MAP4: variants seen among roughly 807,000 people sequenced by gnomAD.
MAP4 encodes the protein microtubule associated protein 4.
In MAP4, 76 loss-of-function variants were observed where a neutral mutation model predicts 170.2. The ratio of observed to expected loss-of-function variants is 0.45; its 90% CI spans 0.37 to 0.54. The LOEUF (loss-of-function observed/expected upper bound fraction) is 0.54. Among genes scored for constraint, MAP4 ranks in the 20% least tolerant of loss-of-function variants. The pLI is 0.00. For synonymous variants in MAP4, 909 were observed against 994.5 expected (o/e 0.91, Z 1.62); for missense variants, 2,506 against 2,748.0 (o/e 0.91, Z 1.97).
intron 1 of MAP4, among the ~76,000 whole-genome samples, chr3:48,057,807 T>C (rs1366761176): frequency 6.6e-6 from 1 of 152,180 alleles, no homozygotes; most frequent in East Asian, 1.9e-4. Context: ...CTGCAAGAAA[T>C]TTCCACCAGG....
intron 10 of MAP4, among the ~76,000 whole-genome samples, chr3:47,889,543 A>T (rs1467052509): frequency 6.6e-6 from 1 of 152,240 alleles, no homozygotes; most frequent in African/African-American, 2.4e-5. Flanking sequence ...AGTTTTATCT[A>T]CAGAGTGGTT....
chr3:47,857,366 C>T, intron 18 of MAP4, 65 bp downstream of exon 18: 1 of 1,340,694 alleles, frequency 7.5e-7, no homozygotes, highest in Non-Finnish European at 1.1e-6. Flanking sequence ...CAGCTGGCTG[C>T]CCAGCTGACC....
intron 1 of MAP4, among the ~76,000 whole-genome samples, chr3:48,034,740 C>A (rs142980250): frequency 1.3e-5 from 2 of 152,028 alleles, no homozygotes; most frequent in African/African-American, 4.8e-5. Flanking sequence ...AGGCCAGGTG[C>A]AGTGGCTCAC....
chr3:48,061,299 T>C (rs1469476649), intron 1 of MAP4, among the ~76,000 whole-genome samples: 1 of 147,940 alleles, frequency 6.8e-6, no homozygotes, highest in African/African-American at 2.5e-5. Context: ...CCTGCCTGAT[T>C]CTCCTCCCTC....
At chr3:47,994,522 TA>T (rs2100094234) in intron 2 of MAP4, among the ~76,000 whole-genome samples, 1 of 152,232 alleles carries the variant, frequency 6.6e-6, no homozygotes, top group African/African-American at 2.4e-5. Flanking sequence ...CCTAGGTGGA[TA>T]AGGACAGTGA....
intron 4 of MAP4, among the ~76,000 whole-genome samples, chr3:47,922,596 C>T (rs969237368): frequency 4.6e-5 from 7 of 151,614 alleles, no homozygotes; most frequent in Non-Finnish European, 7.4e-5. Flanking sequence ...AATTTTTCAC[C>T]TCATGTGGAC....
intron 3 of MAP4, chr3:47,975,325 C>A: frequency 6.5e-7 from 1 of 1,534,980 alleles, no homozygotes; most frequent in Admixed American, 2.0e-5. Flanking sequence ...AAGAACTACC[C>A]TCAGTTTCTT....
At chr3:48,059,312 C>T (rs1283765859) in intron 1 of MAP4, among the ~76,000 whole-genome samples, 2 of 151,768 alleles carry the variant, frequency 1.3e-5, no homozygotes, top group Non-Finnish European at 2.9e-5. Flanking sequence ...CTCAGTGGTT[C>T]GAGACCACCC....
chr3:47,871,095 A>G lies in MAP4; in HGVS notation c.6012T>C (p.Ser2004=). ...AACTGGTGGAGGTGCTCTTTGGGCGACTCAAGTCAGCTGCAAAGAAGGGAG... is the reference window on the plus strand; with the variant it reads ...AACTGGTGGAGGTGCTCTTTGGGCGGCTCAAGTCAGCTGCAAAGAAGGGAG... ...MTAKSVPADL[S]RPKSTSTSSM... is the part of the protein sequence containing the mutation. The change falls in exon 15 of 21, where the codon AGT becomes AGC. Residue 2004 remains serine, a synonymous_variant. Coordinates refer to ENST00000683076, the MANE Select transcript of MAP4 (RefSeq NM_001385682.1). 1.2e-6 allele frequency: 2 copies of G among 1,606,228 alleles called. No individual in the cohort carries two copies. The highest frequency in any genetic ancestry group is 2.2e-5 in the South Asian group (2 of 90,682).
intron 8 of MAP4, among the ~76,000 whole-genome samples, chr3:47,913,381 AAT>A (rs2100036941): frequency 6.6e-6 from 1 of 152,216 alleles, no homozygotes; most frequent in Non-Finnish European, 1.5e-5. Flanking sequence ...GCCTTTGTTT[AAT>A]ATCTCAGGTT....
chr3:48,064,357 A>G (rs752922995), intron 1 of MAP4, among the ~76,000 whole-genome samples: 1 of 152,120 alleles, frequency 6.6e-6, no homozygotes, highest in Admixed American at 6.5e-5. Flanking sequence ...CCACCCAGGA[A>G]CTGACTCAGC....
chr3:48,010,744 T>C (rs1559788202), intron 1 of MAP4, among the ~76,000 whole-genome samples: 1 of 152,112 alleles, frequency 6.6e-6, no homozygotes, highest in African/African-American at 2.4e-5. Flanking sequence ...AGACCCACCC[T>C]TAACTGGGTG....
intron 3 of MAP4, among the ~76,000 whole-genome samples, chr3:47,939,597 C>G (rs1051230754): frequency 6.6e-6 from 1 of 151,352 alleles, no homozygotes; most frequent in African/African-American, 2.4e-5. Context: ...TTTAAAAAAG[C>G]ATAAGGAATT....
intron 6 of MAP4, among the ~76,000 whole-genome samples, chr3:47,917,890 C>T (rs1004346055): frequency 2.0e-5 from 3 of 152,156 alleles, no homozygotes; most frequent in Non-Finnish European, 4.4e-5. Flanking sequence ...CGCTGTTGCC[C>T]AAGCTGGAGT....
rs554958374 is a variant in MAP4 at position 48,078,770 on chromosome 3, G to A, written c.-20+10003C>T. 7.0e-4 allele frequency among the ~76,000 whole-genome samples: 107 copies of A among 152,180 alleles called. 1 individual carries two copies. The South Asian group carries it at 0.015, about 21-fold the overall frequency. ...CAATAAAAATATGTTCTTCCCATAA[G>A]AAAATGACTGAGAGCTCTCCAGAGT... On this transcript the variant is annotated intron_variant, in intron 1 of 18. Transcript: ENST00000360240.
At chr3:48,069,171 A>G (rs1210838395) in intron 1 of MAP4, among the ~76,000 whole-genome samples, 1 of 152,226 alleles carries the variant, frequency 6.6e-6, no homozygotes, top group Non-Finnish European at 1.5e-5. Context: ...CATATTTCAC[A>G]GCCAATTTGC....
In MAP4 at chr3:47,916,301, A is replaced by G; in HGVS notation, c.1526T>C (p.Leu509Pro). ...GCCCAGAGCCATTTCTGTTTCTGAT[A>G]GTGGAGACATGTCCTTCAACAAGCC... ...EVGLLKDMSPLSETEMALGKD... is the reference protein window; with the variant it reads ...EVGLLKDMSPPSETEMALGKD... Residue 509 changes from leucine to proline, a missense_variant, in exon 7 of 21, where the codon CTA (leucine) becomes CCA (proline). Physicochemically the swap from Leu to Pro is moderately conservative, Grantham distance 98. Around this residue, in one of 3 missense-constraint regions of MAP4, gnomAD observed 2,008 missense variants for 2,206.0 expected, o/e 0.91. Coordinates refer to ENST00000683076, the MANE Select transcript of MAP4 (RefSeq NM_001385682.1). 1 of 1,614,204 alleles carries G rather than the reference A, an allele frequency of 6.2e-7. No homozygotes were observed. Among genetic ancestry groups the G allele is most frequent in the African/African-American group, 1.3e-5 (1 of 75,046 alleles).
At chr3:48,035,931 C>T (rs1200245839) in intron 1 of MAP4, among the ~76,000 whole-genome samples, 3 of 152,026 alleles carry the variant, frequency 2.0e-5, no homozygotes, top group Non-Finnish European at 4.4e-5. Context: ...CAGAGCGAGA[C>T]TCCATCCCCC....
chr3:48,087,435 T>C (rs2100149663), intron 1 of MAP4, among the ~76,000 whole-genome samples: 1 of 152,070 alleles, frequency 6.6e-6, no homozygotes, highest in African/African-American at 2.4e-5. Context: ...TGAATCTCTT[T>C]GGGCTGATGA....
Sources: allele counts gnomAD v4.1 joint callset (sites outside exome capture counted in the v4.1 genomes callset), GRCh38; gene constraint gnomAD v4.1.1; regional missense constraint gnomAD v4.1.1; transcripts MANE v1.5; gene names NCBI Gene and HGNC (gene_info 2026-07-23, HGNC 2026-07-21).